GABRG3: variants seen among roughly 807,000 people sequenced by gnomAD.
GABRG3 encodes gamma-aminobutyric acid type A receptor subunit gamma3.
GABRG3 carries 25 observed loss-of-function variants against 48.8 expected under a neutral mutation model. The ratio of observed to expected loss-of-function variants is 0.51; its 90% CI spans 0.37 to 0.72. The LOEUF (loss-of-function observed/expected upper bound fraction) is 0.72, where lower values mean the gene tolerates loss of function less well. Among genes scored for constraint, GABRG3 ranks in the 30% least tolerant of loss-of-function variants. The pLI, the probability that GABRG3 is intolerant of heterozygous loss-of-function variation, is 0.00. For missense variants in GABRG3, 394 were observed against 577.9 expected, an observed-to-expected ratio of 0.68 and a Z score of 3.26; for synonymous variants, 227 against 217.6, an observed-to-expected ratio of 1.04 and a Z score of -0.38.
chr15:27,528,069 T>A, intron 9 of GABRG3, 77 bp downstream of exon 9: 1 of 1,020,560 alleles, frequency 9.8e-7, no homozygotes, highest in Non-Finnish European at 1.5e-6. Flanking sequence ...GATAGATTGC[T>A]GTTGATGCAT....
At chr15:27,320,560 T>C (rs768280698) in intron 3 of GABRG3, among the ~76,000 whole-genome samples, 7 of 152,162 alleles carry the variant, frequency 4.6e-5, no homozygotes, top group Non-Finnish European at 7.4e-5. Context: ...AGTAAACTTC[T>C]AAAAACTATT....
At chr15:27,393,830 CG>C (rs1327906621) in intron 5 of GABRG3, among the ~76,000 whole-genome samples, 2 of 152,170 alleles carry the variant, frequency 1.3e-5, no homozygotes, top group African/African-American at 2.4e-5. Context: ...ATGGCAGCCC[CG>C]CTGATACCTT....
intron 3 of GABRG3, among the ~76,000 whole-genome samples, chr15:27,216,601 G>A (rs1889253685): frequency 6.6e-6 from 1 of 152,016 alleles, no homozygotes; most frequent in African/African-American, 2.4e-5. Flanking sequence ...CACCCTCCTG[G>A]GAATCGATCG....
chr15:27,103,110 A>G (rs938951961), intron 3 of GABRG3, among the ~76,000 whole-genome samples: 3 of 152,190 alleles, frequency 2.0e-5, no homozygotes, highest in African/African-American at 7.2e-5. Flanking sequence ...GGAAGATTTA[A>G]CAGGTGTTGT....
At chr15:27,341,843 G>T (rs1894191224) in intron 5 of GABRG3, among the ~76,000 whole-genome samples, 1 of 152,144 alleles carries the variant, frequency 6.6e-6, no homozygotes, top group African/African-American at 2.4e-5. Context: ...TCGCCACTTG[G>T]GATGAAGATT....
chr15:27,443,940 A>C (rs961512088), intron 5 of GABRG3, among the ~76,000 whole-genome samples: 1 of 152,200 alleles, frequency 6.6e-6, no homozygotes, highest in Non-Finnish European at 1.5e-5. Flanking sequence ...ATAAGGTAAA[A>C]CATATCTATT....
chr15:27,156,315 A>AAAAAAG (rs1898423414), intron 3 of GABRG3, among the ~76,000 whole-genome samples: 1 of 151,564 alleles, frequency 6.6e-6, no homozygotes, highest in Non-Finnish European at 1.5e-5. Context: ...AAAAAAAAAA[A>AAAAAAG]AAAAAAGAAA....
intron 3 of GABRG3, among the ~76,000 whole-genome samples, chr15:27,036,729 T>A (rs1406219775): frequency 6.6e-6 from 1 of 152,140 alleles, no homozygotes; most frequent in African/African-American, 2.4e-5. Flanking sequence ...ACACTGACTA[T>A]GTGAGGGGTT....
At chr15:27,412,190 G>A (rs1010082971) in intron 5 of GABRG3, among the ~76,000 whole-genome samples, 14 of 152,070 alleles carry the variant, frequency 9.2e-5, no homozygotes, top group Middle Eastern at 3.4e-3. Flanking sequence ...AATAATACAG[G>A]AGCTTCCACA....
At chr15:27,494,999 A>C (rs913676914) in intron 6 of GABRG3, among the ~76,000 whole-genome samples, 9 of 152,174 alleles carry the variant, frequency 5.9e-5, no homozygotes, top group African/African-American at 2.2e-4. Flanking sequence ...GCACTACTTT[A>C]GCTGTATCCC....
intron 3 of GABRG3, among the ~76,000 whole-genome samples, chr15:27,045,228 G>A (rs1194250305): frequency 1.3e-5 from 2 of 152,200 alleles, no homozygotes; most frequent in Admixed American, 1.3e-4. Flanking sequence ...TGAGCCCAGA[G>A]GGCTGAGCAG....
chr15:27,292,748 C>T (rs1318947196), intron 3 of GABRG3, among the ~76,000 whole-genome samples: 1 of 152,220 alleles, frequency 6.6e-6, no homozygotes, highest in East Asian at 1.9e-4. Flanking sequence ...GGAGAAGCAA[C>T]AATGTGAAAA....
intron 3 of GABRG3, among the ~76,000 whole-genome samples, chr15:27,311,012 T>C (rs1892974950): frequency 6.6e-6 from 1 of 152,180 alleles, no homozygotes; most frequent in African/African-American, 2.4e-5. Flanking sequence ...ATAAAACTTC[T>C]GAACATAAAT....
intron 5 of GABRG3, chr15:27,362,377 A>T (rs1276821230): frequency 6.6e-6 from 1 of 152,356 alleles, no homozygotes. Context: ...CAAGTATCCC[A>T]GCAAGATTTG....
At chr15:27,172,204 G>A (rs777646666) in intron 3 of GABRG3, among the ~76,000 whole-genome samples, 6 of 152,166 alleles carry the variant, frequency 3.9e-5, no homozygotes, top group Non-Finnish European at 7.3e-5. Flanking sequence ...GAGTGTATAC[G>A]TGGAGCAAAA....
chr15:27,434,026 A>G (rs1456224833), intron 5 of GABRG3, among the ~76,000 whole-genome samples: 1 of 152,230 alleles, frequency 6.6e-6, no homozygotes, highest in Admixed American at 6.5e-5. Context: ...CTCATTAGTT[A>G]TCCATGTCAG....
At chr15:27,247,394 G>T (rs1890302636) in intron 3 of GABRG3, among the ~76,000 whole-genome samples, 1 of 152,042 alleles carries the variant, frequency 6.6e-6, no homozygotes, top group African/African-American at 2.4e-5. Context: ...CTCTCCTGGT[G>T]CCTCCAAGAA....
intron 3 of GABRG3, among the ~76,000 whole-genome samples, chr15:27,195,916 TCAGCCACCGCACC>T (rs145193701): frequency 0.049 from 7,499 of 152,216 alleles, 229 homozygotes; most frequent in South Asian, 0.075. Flanking sequence ...ATTACAGCCA[TCAGCCACCGCACC>T]CAGCCACCGC....
intron 2 of GABRG3, among the ~76,000 whole-genome samples, chr15:27,004,088 A>C (rs1595466671): frequency 2.6e-5 from 3 of 114,980 alleles, no homozygotes; most frequent in East Asian, 2.7e-4. Flanking sequence ...TGACCCCCCT[A>C]CCTCCCTCCC....
Sources: gnomAD v4.1 joint callset for allele counts (sites outside exome capture counted in the v4.1 genomes callset) on GRCh38, gnomAD v4.1.1 for gene constraint, MANE v1.5 for transcripts, NCBI Gene and HGNC (gene_info 2026-07-23, HGNC 2026-07-21) for gene names.